The following PARN variants were observed in gnomAD, a reference collection of about 807,000 sequenced individuals.
The protein encoded by PARN is poly(A)-specific ribonuclease PARN.
PARN carries 71 observed loss-of-function variants against 102.8 expected under a neutral mutation model. The observed-to-expected ratio is 0.69, with a 90% CI of 0.57 to 0.84. PARN has a LOEUF of 0.84. PARN is among the 40% of genes least tolerant of loss of function. The probability of loss-of-function intolerance (pLI) is 0.00; values close to 1 mark genes in which losing one functional copy is unlikely to be tolerated. For missense variants in PARN, 782 were observed against 760.9 expected (o/e 1.03, Z -0.33); for synonymous variants, 261 against 252.9 (o/e 1.03, Z -0.30).
chr16:14,576,646 T>C (rs1969161967), intron 18 of PARN, among the ~76,000 whole-genome samples: 1 of 152,198 alleles, frequency 6.6e-6, no homozygotes, highest in African/African-American at 2.4e-5. Flanking sequence ...ACCAAAGCTA[T>C]AAAAGCAGGT....
intron 22 of PARN, among the ~76,000 whole-genome samples, chr16:14,470,106 A>G (rs923894713): frequency 6.6e-6 from 1 of 152,220 alleles, no homozygotes; most frequent in Non-Finnish European, 1.5e-5. Flanking sequence ...ATTTTCAAAT[A>G]TTACTGCTAT....
intron 23 of PARN, 125 bp downstream of exon 23, chr16:14,446,763 G>C (rs749744285): frequency 1.5e-5 from 9 of 616,392 alleles, no homozygotes; most frequent in Non-Finnish European, 2.5e-5. Flanking sequence ...TATCTGCTTT[G>C]GTGGAAGACT....
At chr16:14,585,430 G>A (rs1307819165) in intron 14 of PARN, among the ~76,000 whole-genome samples, 1 of 146,904 alleles carries the variant, frequency 6.8e-6, no homozygotes, top group East Asian at 2.0e-4. Flanking sequence ...AATAAGCCCA[G>A]CTGAAAGAGA....
rs1313280166 is a variant in PARN, at chr16:14,492,189, T to G, written c.1481-9362A>C. ...GCTGAAAGAGTAGAAACTAGGGCAG[T>G]GAAAGAGATCTGAGCCCCGTAAAGG... On this transcript the variant is annotated intron_variant, in intron 21 of 23. Transcript: ENST00000437198. 2.0e-5 allele frequency among the ~76,000 whole-genome samples: 3 copies of G among 152,022 alleles called. No individual in the cohort carries two copies. The East Asian group carries it at 5.8e-4, about 29-fold the overall frequency.
intron 18 of PARN, among the ~76,000 whole-genome samples, chr16:14,579,962 G>T (rs1182683293): frequency 6.8e-6 from 1 of 147,720 alleles, no homozygotes; most frequent in Non-Finnish European, 1.5e-5. Context: ...CAGCCTGGGT[G>T]ACAGAGTGAG....
At chr16:14,502,297 G>A (rs769216937) in intron 21 of PARN, among the ~76,000 whole-genome samples, 4 of 152,126 alleles carry the variant, frequency 2.6e-5, no homozygotes, top group Admixed American at 6.6e-5. Flanking sequence ...GAGAACATGC[G>A]TCTCTCAGTG....
intron 22 of PARN, among the ~76,000 whole-genome samples, chr16:14,455,719 A>AG (rs995034557): frequency 6.6e-6 from 1 of 152,130 alleles, no homozygotes; most frequent in Non-Finnish European, 1.5e-5. Flanking sequence ...AATAGCAGGC[A>AG]GGGCCATAAA....
intron 22 of PARN, among the ~76,000 whole-genome samples, chr16:14,461,982 C>T (rs1191785359): frequency 1.3e-5 from 2 of 152,140 alleles, no homozygotes; most frequent in Non-Finnish European, 2.9e-5. Flanking sequence ...GATGAGTGGA[C>T]TGAAGAGCTA....
At chr16:14,624,006 T>C (rs1972484846) in intron 5 of PARN, among the ~76,000 whole-genome samples, 1 of 152,160 alleles carries the variant, frequency 6.6e-6, no homozygotes, top group Non-Finnish European at 1.5e-5. Context: ...ATGATGTAAA[T>C]GTCATGCTAT....
chr16:14,549,906 G>A (rs746247178), intron 21 of PARN, among the ~76,000 whole-genome samples: 1 of 152,130 alleles, frequency 6.6e-6, no homozygotes, highest in Non-Finnish European at 1.5e-5. Flanking sequence ...CCTGTGGCTC[G>A]GAAGGTTTAC....
chr16:14,457,937 T>G (rs538602462), intron 22 of PARN, among the ~76,000 whole-genome samples: 1 of 150,002 alleles, frequency 6.7e-6, no homozygotes, highest in African/African-American at 2.4e-5. Context: ...TGTGGGTGTG[T>G]GTGTGTGTGT....
At chr16:14,549,393 G>T (rs554827702) in intron 21 of PARN, among the ~76,000 whole-genome samples, 1 of 152,188 alleles carries the variant, frequency 6.6e-6, no homozygotes, top group Admixed American at 6.5e-5. Flanking sequence ...AGGACTCAGG[G>T]CCAAACAAGA....
intron 21 of PARN, among the ~76,000 whole-genome samples, chr16:14,531,574 T>A (rs1182022619): frequency 1.3e-5 from 2 of 152,206 alleles, no homozygotes; most frequent in Non-Finnish European, 2.9e-5. Context: ...TAGAAAAGGC[T>A]GTGAACTAGA....
intron 18 of PARN, chr16:14,578,416 A>C (rs942313822): frequency 1.3e-5 from 2 of 150,134 alleles, no homozygotes; most frequent in East Asian, 3.9e-4. Flanking sequence ...GCACTCTGGG[A>C]GGCCGAGGCG....
chr16:14,510,713 C>G (rs1403867728), intron 21 of PARN, among the ~76,000 whole-genome samples: 1 of 152,198 alleles, frequency 6.6e-6, no homozygotes, highest in Non-Finnish European at 1.5e-5. Flanking sequence ...TCTCCATGCT[C>G]CAGTCCTCGG....
chr16:14,555,536 A>C (rs545289572), intron 19 of PARN, 118 bp downstream of exon 19: 85 of 484,440 alleles, frequency 1.8e-4, no homozygotes, highest in Admixed American at 4.1e-4. Context: ...ATCAACCACA[A>C]AATCACAGCC....
At chr16:14,437,058 G>C (rs370167081) in intron 23 of PARN, among the ~76,000 whole-genome samples, 28 of 152,366 alleles carry the variant, frequency 1.8e-4, no homozygotes, top group African/African-American at 6.3e-4. Flanking sequence ...CTGTAGCCAT[G>C]CACAGTATTC....
chr16:14,504,544 G>A (rs2151629281), intron 21 of PARN, among the ~76,000 whole-genome samples: 1 of 152,248 alleles, frequency 6.6e-6, no homozygotes, highest in South Asian at 2.1e-4. Flanking sequence ...GGGTGACAGA[G>A]CAAGACTCCG....
chr16:14,587,399 C>T (rs1261497954), intron 13 of PARN, among the ~76,000 whole-genome samples: 1 of 152,216 alleles, frequency 6.6e-6, no homozygotes, highest in East Asian at 1.9e-4. Flanking sequence ...GCTCAAGTAT[C>T]AAGATAGTTC....
Sources: allele counts gnomAD v4.1 joint callset (sites outside exome capture counted in the v4.1 genomes callset), GRCh38; gene constraint gnomAD v4.1.1; transcripts MANE v1.5; gene names NCBI Gene and HGNC (gene_info 2026-07-23, HGNC 2026-07-21).